The following VPS13B variants were observed in gnomAD, a reference collection of about 807,000 sequenced individuals.
The protein encoded by VPS13B is vacuolar protein sorting 13 homolog B.
In VPS13B, 285 loss-of-function variants were observed where a neutral mutation model predicts 426.4. The ratio of observed to expected loss-of-function variants is 0.67; its 90% CI spans 0.61 to 0.74. The LOEUF is 0.74. Among genes scored for constraint, VPS13B ranks in the 30% least tolerant of loss-of-function variants. VPS13B has a pLI of 0.00. For synonymous variants in VPS13B, 1,676 were observed against 1,676.4 expected (o/e 1.00, Z 0.01); for missense variants, 4,537 against 4,782.6 (o/e 0.95, Z 1.51).
At chr8:99,189,952 G>A (rs1279372189) in intron 16 of VPS13B, among the ~76,000 whole-genome samples, 2 of 152,056 alleles carry the variant, frequency 1.3e-5, no homozygotes, top group Non-Finnish European at 2.9e-5. Flanking sequence ...TGTCAGTTAG[G>A]CCAAGTTGAT....
In VPS13B at chr8:99,442,579, A is replaced by G; in HGVS notation, c.3389A>G (p.Tyr1130Cys). Residue 1130 changes from tyrosine to cysteine, a missense_variant, in exon 23 of 62, where the codon TAT becomes TGT. By Grantham distance (194) the Tyr-to-Cys change is radical. Around this residue, in one of 2 missense-constraint regions of VPS13B, gnomAD observed 4,311 missense variants for 4,474.3 expected, o/e 0.96. Coordinates refer to ENST00000357162, the MANE Select transcript of VPS13B (RefSeq NM_152564.5). ...QIKIISAGHK[Y>C]MEPLQEIPFV... The stretch of plus-strand genomic sequence containing the variant: ...AAGATTATTAGTGCTGGGCACAAGT[A>G]TATGGAACCTCTGCAGGAGATTCCA... 1 of 1,614,016 alleles carries G rather than the reference A, an allele frequency of 6.2e-7. No homozygotes were observed. Among genetic ancestry groups the G allele is most frequent in the South Asian group, 1.1e-5 (1 of 91,080 alleles).
intron 3 of VPS13B, among the ~76,000 whole-genome samples, chr8:99,089,730 C>T (rs1846041603): frequency 1.3e-5 from 2 of 152,096 alleles, no homozygotes; most frequent in Non-Finnish European, 2.9e-5. Flanking sequence ...CTTAATCACA[C>T]TTAAAAAGGT....
rs182531007 is a variant in VPS13B, at chr8:99,321,719, A to G, written c.2824+46465A>G. Among the ~76,000 whole-genome samples, 146 of 152,254 alleles carry G rather than the reference A, an allele frequency of 9.6e-4. 1 individual carries two copies. The highest frequency in any genetic ancestry group is 1.6e-3 in the Non-Finnish European group (107 of 68,004). ...AATTTGTATTTGAATAACATTTGTA[A>G]TTTTACTTTACTTGCACATAACATT... On this transcript the variant is annotated intron_variant, in intron 19 of 61. Transcript: ENST00000357162.
At chr8:99,690,803 A>C (rs532661740) in intron 35 of VPS13B, among the ~76,000 whole-genome samples, 1 of 152,302 alleles carries the variant, frequency 6.6e-6, no homozygotes, top group African/African-American at 2.4e-5. Context: ...TCAAAATCAC[A>C]ATGGGATAGT....
chr8:99,067,466 G>C (rs189963162), intron 3 of VPS13B, among the ~76,000 whole-genome samples: 1 of 152,108 alleles, frequency 6.6e-6, no homozygotes, highest in African/African-American at 2.4e-5. Flanking sequence ...ACACAGGGCG[G>C]GGAACATCAC....
At chr8:99,498,329 G>C (rs1036663380) in intron 25 of VPS13B, among the ~76,000 whole-genome samples, 1 of 151,610 alleles carries the variant, frequency 6.6e-6, no homozygotes, top group Non-Finnish European at 1.5e-5. Context: ...TGCTTAGTTG[G>C]GTCAAAACTA....
In VPS13B at chr8:99,575,693, C is replaced by A. The variant is rs752695237; in HGVS notation, c.4985C>A (p.Thr1662Asn). Residue 1662 changes from threonine (T) to asparagine (N), a missense_variant, in exon 32 of 62, where the codon ACC becomes AAC. Around this residue, in one of 2 missense-constraint regions of VPS13B, gnomAD observed 4,311 missense variants for 4,474.3 expected, o/e 0.96. Transcript: ENST00000357162. Reference sequence around the variant, plus strand: ...CATCAAGAAAGGAGAGCAATTTTGACCCCCGTTTTGACAGATTTTTCTGTC... The same window carrying A: ...CATCAAGAAAGGAGAGCAATTTTGAACCCCGTTTTGACAGATTTTTCTGTC... Reference protein sequence around the residue: ...RRHQERRAILTPVLTDFSVRI... With the variant: ...RRHQERRAILNPVLTDFSVRI... 1.2e-6 allele frequency: 2 copies of A among 1,613,770 alleles called. No homozygotes were observed. Among genetic ancestry groups the A allele is most frequent in the African/African-American group, 1.3e-5 (1 of 74,898 alleles).
At chr8:99,310,863 A>G (rs1421642338) in intron 19 of VPS13B, among the ~76,000 whole-genome samples, 2 of 152,182 alleles carry the variant, frequency 1.3e-5, no homozygotes, top group African/African-American at 4.8e-5. Context: ...TTATTGGTCT[A>G]TTCAGGGCTT....
chr8:99,431,807 G>A (rs2133412841), intron 22 of VPS13B, 143 bp downstream of exon 22: 1 of 873,048 alleles, frequency 1.1e-6, no homozygotes, highest in East Asian at 2.7e-5. Flanking sequence ...AAAATAATTG[G>A]TGTACTTCAC....
At chr8:99,746,164 C>A (rs866339114) in intron 39 of VPS13B, among the ~76,000 whole-genome samples, 1 of 151,960 alleles carries the variant, frequency 6.6e-6, no homozygotes, top group African/African-American at 2.4e-5. Flanking sequence ...TTATCTATTC[C>A]CCCATATCTT....
At chr8:99,112,258 C>G (rs1363542769) in intron 6 of VPS13B, among the ~76,000 whole-genome samples, 2 of 152,170 alleles carry the variant, frequency 1.3e-5, no homozygotes, top group Admixed American at 1.3e-4. Flanking sequence ...TATTGTTGAA[C>G]TACTTGCCTC....
At chr8:99,582,114 G>T (rs1826093381) in intron 33 of VPS13B, among the ~76,000 whole-genome samples, 2 of 151,804 alleles carry the variant, frequency 1.3e-5, no homozygotes, top group African/African-American at 4.9e-5. Context: ...ACAGGACTGT[G>T]GTTGACACAA....
At chr8:99,507,970 A>C in intron 28 of VPS13B, 1 of 1,610,476 alleles carries the variant, frequency 6.2e-7, no homozygotes, top group Non-Finnish European at 8.5e-7. Flanking sequence ...CCAGAGAAGG[A>C]ATTGAATGAT....
intron 43 of VPS13B, among the ~76,000 whole-genome samples, chr8:99,790,873 CT>C (rs1317079372): frequency 6.6e-6 from 1 of 152,128 alleles, no homozygotes; most frequent in Non-Finnish European, 1.5e-5. Flanking sequence ...ACTAATTTGG[CT>C]ACAGTGTAGA....
At chr8:99,841,277 A>G (rs1815668117) in intron 54 of VPS13B, among the ~76,000 whole-genome samples, 1 of 152,008 alleles carries the variant, frequency 6.6e-6, no homozygotes. Context: ...CCAGAAATTG[A>G]TCTCCGGGCC....
At chr8:99,051,506 A>G (rs9642956) in intron 3 of VPS13B, among the ~76,000 whole-genome samples, 133,859 of 151,610 alleles carry the variant, frequency 0.88, 59,809 homozygotes, top group African/African-American at 0.97. Context: ...TTGACTTGGC[A>G]GTGCAGGCTC....
intron 17 of VPS13B, among the ~76,000 whole-genome samples, chr8:99,225,547 A>C (rs1212634793): frequency 6.6e-6 from 1 of 152,092 alleles, no homozygotes; most frequent in Non-Finnish European, 1.5e-5. Context: ...GTTATTTTCT[A>C]ATCAGAGCTA....
chr8:99,718,815 C>T (rs1377007409), intron 37 of VPS13B, among the ~76,000 whole-genome samples: 2 of 151,796 alleles, frequency 1.3e-5, no homozygotes, highest in Admixed American at 1.3e-4. Context: ...CACAAGCATG[C>T]ACCACTATGC....
At position 99,742,155 on chromosome 8, in the gene VPS13B, C is replaced by A. The variant is rs1185261804; in HGVS notation, c.7050+21108C>A. Among the ~76,000 whole-genome samples, 5 of 152,148 alleles carry A rather than the reference C, an allele frequency of 3.3e-5. No homozygotes were observed. The East Asian group carries it at 9.6e-4, about 29-fold the overall frequency. ...TGATGAAGGGGACATCACCACCGAT[C>A]CCACAGAAATACAAACTACCATCAG... On this transcript the variant is annotated intron_variant, in intron 39 of 61. Transcript: ENST00000357162.
Sources: gnomAD v4.1 joint callset for allele counts (sites outside exome capture counted in the v4.1 genomes callset) on GRCh38, gnomAD v4.1.1 for gene constraint, gnomAD v4.1.1 regional missense constraint, MANE v1.5 for transcripts, NCBI Gene and HGNC (gene_info 2026-07-23, HGNC 2026-07-21) for gene names.